The following RPS6KA3 variants were observed in gnomAD, a reference collection of about 807,000 sequenced individuals.
RPS6KA3 encodes ribosomal protein S6 kinase alpha-3.
In RPS6KA3, 4 loss-of-function variants were observed where a neutral mutation model predicts 67.2. That is an observed-to-expected ratio of 0.06 (90% CI 0.03 to 0.14). The LOEUF (loss-of-function observed/expected upper bound fraction) is 0.14. RPS6KA3 is among the 10% of genes least tolerant of loss of function. The probability of loss-of-function intolerance (pLI) is 1.00; values close to 1 mark genes in which losing one functional copy is unlikely to be tolerated. For synonymous variants in RPS6KA3, 182 were observed against 183.7 expected (o/e 0.99, Z 0.07); for missense variants, 204 against 559.0 (o/e 0.36, Z 6.40).
At position 20,178,089 on chromosome X, in the gene RPS6KA3, A is replaced by C. The variant is rs775243683; in HGVS notation, c.846-1005T>G. Among the ~76,000 whole-genome samples, 62 of 112,144 alleles carry C rather than the reference A, an allele frequency of 5.5e-4. 1 individual carries two copies. The highest frequency in any genetic ancestry group is 1.9e-3 in the African/African-American group (60 of 30,932). ...GTTATTGAGCTATTACATGCCAGACACTGTTTAGTGCTGAGGATACAGAGA... is the reference window on the plus strand; with the variant it reads ...GTTATTGAGCTATTACATGCCAGACCCTGTTTAGTGCTGAGGATACAGAGA... On this transcript the variant is annotated intron_variant, in intron 10 of 21. Transcript: ENST00000379565.
rs771659496 is a variant in RPS6KA3 at position 20,245,891 on chromosome X, A to G, written c.70-11077T>C. ...TCCTAGCACCTTGGGAGGCCGAGGC[A>G]GGAGGATCATGAGGTCAGGAGTTCG... On this transcript the variant is annotated intron_variant, in intron 1 of 21. Coordinates refer to ENST00000379565, the MANE Select transcript of RPS6KA3 (RefSeq NM_004586.3). Among the ~76,000 whole-genome samples the G allele has an allele frequency of 5.2e-4, 57 of 110,620 alleles. 1 individual carries two copies. The highest frequency in any genetic ancestry group is 1.7e-3 in the African/African-American group (51 of 30,341).
chrX:20,252,821 G>A (rs1429017437), intron 1 of RPS6KA3, among the ~76,000 whole-genome samples: 1 of 111,689 alleles, frequency 9.0e-6, no homozygotes, highest in Non-Finnish European at 1.9e-5. Context: ...CCAGATGGGA[G>A]TGAAGGCTCA....
At chrX:20,264,777 G>T (rs964941528) in intron 1 of RPS6KA3, among the ~76,000 whole-genome samples, 3 of 112,065 alleles carry the variant, frequency 2.7e-5, no homozygotes, top group African/African-American at 9.7e-5. Flanking sequence ...ATCTTGAGTT[G>T]CAATTGTTAA....
chrX:20,216,442 A>C (rs1040642226), intron 2 of RPS6KA3, among the ~76,000 whole-genome samples: 1 of 111,353 alleles, frequency 9.0e-6, no homozygotes, highest in East Asian at 2.8e-4. Flanking sequence ...GGGATATACA[A>C]TAAGTCAAAT....
At chrX:20,158,243 T>C (rs1262088489) in intron 20 of RPS6KA3, among the ~76,000 whole-genome samples, 1 of 107,726 alleles carries the variant, frequency 9.3e-6, no homozygotes. Flanking sequence ...TGCATGCCTG[T>C]AGTCCCGGCT....
intron 2 of RPS6KA3, among the ~76,000 whole-genome samples, chrX:20,214,026 TG>T (rs1395954144): frequency 8.9e-6 from 1 of 112,045 alleles, no homozygotes; most frequent in Non-Finnish European, 1.9e-5. Flanking sequence ...GAATTTATCA[TG>T]CACTTTTCTA....
At chrX:20,232,542 A>C (rs1054182994) in intron 2 of RPS6KA3, among the ~76,000 whole-genome samples, 2 of 111,959 alleles carry the variant, frequency 1.8e-5, no homozygotes, top group African/African-American at 3.3e-5. Flanking sequence ...ACTGCACTCC[A>C]GCCTGGATGA....
At chrX:20,252,476 C>A (rs1438869386) in intron 1 of RPS6KA3, among the ~76,000 whole-genome samples, 3 of 109,902 alleles carry the variant, frequency 2.7e-5, no homozygotes, top group African/African-American at 1.0e-4. Flanking sequence ...GTTCAACTTC[C>A]CTCTGGGCCG....
At chrX:20,204,509 A>G (rs2068525706) in intron 3 of RPS6KA3, among the ~76,000 whole-genome samples, 1 of 112,348 alleles carries the variant, frequency 8.9e-6, no homozygotes, top group Non-Finnish European at 1.9e-5. Context: ...TTCCTTCTTG[A>G]CCACAATTTC....
At chrX:20,221,419 AC>A (rs2068984471) in intron 2 of RPS6KA3, among the ~76,000 whole-genome samples, 1 of 111,995 alleles carries the variant, frequency 8.9e-6, no homozygotes, top group Non-Finnish European at 1.9e-5. Flanking sequence ...ATTGTAGAAA[AC>A]TTAGATAATA....
intron 4 of RPS6KA3, among the ~76,000 whole-genome samples, chrX:20,199,511 T>G (rs1358300004): frequency 9.1e-6 from 1 of 110,400 alleles, no homozygotes; most frequent in African/African-American, 3.3e-5. Context: ...ATAGAAAAAA[T>G]GGAAAATAAA....
chrX:20,204,043 A>G lies in RPS6KA3; in HGVS notation c.304T>C (p.Leu102=), dbSNP rs757971865. The G allele has an allele frequency of 1.1e-5, 13 of 1,205,553 alleles. No individual in the cohort carries two copies. Among genetic ancestry groups the G allele is most frequent in the South Asian group, 1.8e-5 (1 of 56,741 alleles). Residue 102 remains leucine (L), a synonymous_variant, in exon 4 of 22, where the codon TTG becomes CTG. Coordinates refer to ENST00000379565, the MANE Select transcript of RPS6KA3 (RefSeq NM_004586.3). The part of the protein sequence containing the change: ...DARQLYAMKV[L]KKATLKVRDR... ...TTACCTTTCAGTGTGGCCTTCTTCA[A>G]TACCTTCATGGCATAAAGCTGCCTA...
At chrX:20,164,334 T>TCAGGTAGGGAATACCGGAG (rs1196700517) in intron 18 of RPS6KA3, among the ~76,000 whole-genome samples, 2 of 109,049 alleles carry the variant, frequency 1.8e-5, no homozygotes, top group African/African-American at 3.3e-5. Context: ...GTCTAGAACT[T>TCAGGTAGGGAATACCGGAG]CAGGTAGGGA....
At chrX:20,259,192 T>A (rs1024241695) in intron 1 of RPS6KA3, among the ~76,000 whole-genome samples, 1 of 111,830 alleles carries the variant, frequency 8.9e-6, no homozygotes, top group East Asian at 2.8e-4. Flanking sequence ...ATCCTAGCTA[T>A]CTATTCTCTA....
At chrX:20,175,317 A>T in intron 13 of RPS6KA3, 29 bp from the exon 14 acceptor site, 1 of 1,201,333 alleles carries the variant, frequency 8.3e-7, no homozygotes, top group African/African-American at 1.7e-5. Context: ...GACAAAGAAG[A>T]TTCATTTGAA....
chrX:20,201,283 G>C (rs1247877437), intron 4 of RPS6KA3, among the ~76,000 whole-genome samples: 1 of 110,793 alleles, frequency 9.0e-6, no homozygotes, highest in Non-Finnish European at 1.9e-5. Context: ...TCACAGGCTT[G>C]CACCACTACA....
rs150848826 is a variant in RPS6KA3, at chrX:20,176,329, A to G, written c.1023T>C (p.His341=). The part of the protein sequence containing the change: ...DWNKLYRREI[H]PPFKPATGRP... ...TGCCCGTTGCAGGTTTAAATGGCGG[A>G]TGAATTTCTCTTCTATACAGTTTCT... Residue 341 remains histidine, a synonymous_variant, in exon 13 of 22, where the codon CAT becomes CAC. Coordinates refer to ENST00000379565, the MANE Select transcript of RPS6KA3 (RefSeq NM_004586.3). The G allele has an allele frequency of 2.2e-4, 256 of 1,190,402 alleles. 2 individuals carry two copies. In the African/African-American group the frequency reaches 3.3e-3, roughly 15 times the overall value.
intron 10 of RPS6KA3, among the ~76,000 whole-genome samples, chrX:20,185,050 A>G (rs2067944939): frequency 1.8e-5 from 2 of 110,786 alleles, no homozygotes; most frequent in South Asian, 3.8e-4. Context: ...GGTTCAAGTG[A>G]TTCTCCTGCC....
chrX:20,247,920 A>G (rs1356866940), intron 1 of RPS6KA3, among the ~76,000 whole-genome samples: 1 of 112,440 alleles, frequency 8.9e-6, no homozygotes, highest in Non-Finnish European at 1.9e-5. Flanking sequence ...AAATTACATT[A>G]AAGAACCATA....
Sources: allele counts gnomAD v4.1 joint callset (sites outside exome capture counted in the v4.1 genomes callset), GRCh38; gene constraint gnomAD v4.1.1; transcripts MANE v1.5; gene names NCBI Gene and HGNC (gene_info 2026-07-23, HGNC 2026-07-21).